GRK1: variants seen among roughly 807,000 people sequenced by gnomAD.
GRK1 encodes the protein G protein-coupled receptor kinase 1.
A neutral mutation model predicts 41.7 loss-of-function variants in GRK1; 28 were observed. The observed-to-expected ratio is 0.67, with a 90% confidence interval of 0.50 to 0.92. The LOEUF (loss-of-function observed/expected upper bound fraction) is 0.92. GRK1 is among the 40% of genes least tolerant of loss of function. GRK1 has a pLI of 0.00. For synonymous variants in GRK1, 327 were observed against 286.7 expected, an observed-to-expected ratio of 1.14 and a Z score of -1.42; for missense variants, 703 against 671.2, an observed-to-expected ratio of 1.05 and a Z score of -0.52.
At chr13:113,672,431 GGTGT>G (rs1436773122) in intron 3 of GRK1, among the ~76,000 whole-genome samples, 1 of 151,980 alleles carries the variant, frequency 6.6e-6, no homozygotes, top group Non-Finnish European at 1.5e-5. Flanking sequence ...TTCGTGGTGT[GGTGT>G]GTGTGGTATG....
rs375215558 is a variant in GRK1 at position 113,667,344 on chromosome 13, G to C, written c.-43G>C. ...CTGTGAACGCTCCCGGCTTGGCCTCGGCTGATGGGCCCTCACGCCTGAAGC... is the reference window on the plus strand; with the variant it reads ...CTGTGAACGCTCCCGGCTTGGCCTCCGCTGATGGGCCCTCACGCCTGAAGC... On this transcript the variant is annotated 5_prime_UTR_variant, in exon 1 of 7. Transcript: ENST00000335678. The surrounding 1 kb of genome is among the most constrained non-coding windows in gnomAD (Gnocchi z 7.5). 5 of 1,487,014 alleles carry C rather than the reference G, an allele frequency of 3.4e-6. No individual in the cohort carries two copies. Among genetic ancestry groups the C allele is most frequent in the African/African-American group, 2.8e-5 (2 of 71,334 alleles). The allele number at this position is 1,487,014 out of a possible 1,614,324, so 92.1% of individuals were successfully genotyped here.
intron 4 of GRK1, among the ~76,000 whole-genome samples, chr13:113,730,867 G>C (rs996747770): frequency 6.6e-6 from 1 of 152,252 alleles, no homozygotes; most frequent in Non-Finnish European, 1.5e-5. Flanking sequence ...AGAGAATGAT[G>C]TTGGATTCTC....
At chr13:113,654,875 A>G in the GRK1 span, 4 of 1,614,252 alleles carry the variant, frequency 2.5e-6, no homozygotes, top group South Asian at 1.1e-5. Flanking sequence ...GCATCAGCAC[A>G]TAGAGGCACA....
At chr13:113,733,677 G>T (rs1342070917) in intron 6 of GRK1, among the ~76,000 whole-genome samples, 3 of 140,658 alleles carry the variant, frequency 2.1e-5, no homozygotes, top group African/African-American at 5.4e-5. Flanking sequence ...GTGCACGTGT[G>T]TGCATGTATG....
At chr13:113,729,184 C>T (rs1474806269) in intron 4 of GRK1, among the ~76,000 whole-genome samples, 1 of 152,160 alleles carries the variant, frequency 6.6e-6, no homozygotes, top group Non-Finnish European at 1.5e-5. Flanking sequence ...CAGGCACGAA[C>T]CTAGAGTAGG....
chr13:113,656,541 G>A, the GRK1 span, among the ~76,000 whole-genome samples: 17 of 152,308 alleles, frequency 1.1e-4, no homozygotes, highest in African/African-American at 4.1e-4. Context: ...TTCAGGGCAC[G>A]CTGCAGTGCA....
intron 4 of GRK1, 87 bp downstream of exon 4, chr13:113,723,244 A>T (rs978702332): frequency 1.6e-6 from 1 of 620,764 alleles, no homozygotes; most frequent in African/African-American, 1.8e-5. Context: ...TTGCACATAC[A>T]TGTGAGTTTG....
In GRK1 at chr13:113,669,105, G is replaced by A. The variant is rs749584565; in HGVS notation, c.700-582G>A. ...CATTCAGCCTCTTTTCCTGACTTCC[G>A]TCACCAAACTGAACTCCATACTGAC... On this transcript the variant is annotated intron_variant, in intron 1 of 6. Coordinates refer to ENST00000335678, the MANE Select transcript of GRK1 (RefSeq NM_002929.3). Among the ~76,000 whole-genome samples the A allele has an allele frequency of 2.6e-4, 40 of 152,128 alleles. 1 individual carries two copies. Among genetic ancestry groups the A allele is most frequent in the Non-Finnish European group, 3.8e-4 (26 of 68,034 alleles).
At chr13:113,664,241 C>T (rs934577904), upstream of GRK1, among the ~76,000 whole-genome samples, 3 of 152,158 alleles carry the variant, frequency 2.0e-5, no homozygotes, top group African/African-American at 7.2e-5. This position sits in a 1 kb window ranked among gnomAD's most constrained non-coding sequence, Gnocchi z 5.4. Context: ...TTCGGTGCAT[C>T]TGTGAGCAGC....
intron 4 of GRK1, among the ~76,000 whole-genome samples, chr13:113,724,964 G>A (rs934785323): frequency 2.0e-5 from 3 of 152,368 alleles, no homozygotes; most frequent in Admixed American, 6.5e-5. Context: ...CTTCCAGGCC[G>A]AGGGTGAGGG....
the GRK1 span, chr13:113,653,585 C>T: frequency 9.5e-5 from 61 of 640,716 alleles, no homozygotes; most frequent in African/African-American, 7.3e-4. Flanking sequence ...AGGAAGGACC[C>T]CCAGGACAGC....
upstream of GRK1, among the ~76,000 whole-genome samples, chr13:113,663,967 G>A (rs1466136397): frequency 6.6e-6 from 1 of 152,144 alleles, no homozygotes; most frequent in East Asian, 1.9e-4. Context: ...TCACACAAAG[G>A]CCTACACAGA....
intron 6 of GRK1, among the ~76,000 whole-genome samples, chr13:113,734,013 CAT>C (rs1491588230): frequency 6.8e-5 from 7 of 103,370 alleles, no homozygotes; most frequent in African/African-American, 3.6e-4. Flanking sequence ...CGTGTGCGTG[CAT>C]GTGTGTGCGT....
At chr13:113,651,611 G>A in the GRK1 span, 97 of 1,508,240 alleles carry the variant, frequency 6.4e-5, no homozygotes, top group Non-Finnish European at 8.4e-5. Flanking sequence ...GCATGAACCA[G>A]CACGACCCTG....
intron 6 of GRK1, among the ~76,000 whole-genome samples, chr13:113,733,830 TGCACGTGCGTGTGC>T (rs2049969746): frequency 5.2e-5 from 7 of 135,158 alleles, no homozygotes; most frequent in Admixed American, 1.5e-4. Flanking sequence ...TGCGTGTGTG[TGCACGTGCGTGTGC>T]ATGTGTATGT....
intron 6 of GRK1, among the ~76,000 whole-genome samples, chr13:113,733,969 C>CATACGT (rs1468770779): frequency 1.1e-4 from 10 of 87,904 alleles, no homozygotes; most frequent in African/African-American, 5.0e-4. Flanking sequence ...CGTGTGTGTG[C>CATACGT]GTGTGTGCGC....
the GRK1 span, among the ~76,000 whole-genome samples, chr13:113,657,800 C>T: frequency 3.9e-5 from 6 of 152,372 alleles, no homozygotes; most frequent in South Asian, 2.1e-4. Flanking sequence ...CGCCCTCCAC[C>T]GGCGTTCTGC....
At chr13:113,652,023 G>A in the GRK1 span, among the ~76,000 whole-genome samples, 3 of 152,254 alleles carry the variant, frequency 2.0e-5, no homozygotes, top group East Asian at 1.9e-4. Context: ...CTTAGCCCTC[G>A]AACCATGTCC....
Position 113,733,027 on chromosome 13 carries a change from C to G in GRK1, c.1338C>G (p.Cys446Trp). Residue 446 changes from cysteine (C) to tryptophan (W), a missense_variant, in exon 6 of 7, where the codon TGC becomes TGG. Coordinates refer to ENST00000335678, the MANE Select transcript of GRK1 (RefSeq NM_002929.3). ...GCCTGGGGTTCAGAGATGAGACCTG[C>G]GACAAGCTCCGTGCCCACCCCCTCT... ...EKRLGFRDET[C>W]DKLRAHPLFK... 1 of 1,537,064 alleles carries G rather than the reference C, an allele frequency of 6.5e-7. No individual in the cohort carries two copies. The highest frequency in any genetic ancestry group is 2.4e-5 in the East Asian group (1 of 40,912).
Sources: gnomAD v4.1 joint callset for allele counts (sites outside exome capture counted in the v4.1 genomes callset) on GRCh38, gnomAD v4.1.1 for gene constraint, Gnocchi (gnomAD v3.1) non-coding constraint, MANE v1.5 for transcripts, NCBI Gene and HGNC (gene_info 2026-07-23, HGNC 2026-07-21) for gene names.